The following RAPGEF1 variants were observed in gnomAD, a reference collection of about 807,000 sequenced individuals.
RAPGEF1 encodes the protein CRK SH3-binding GNRP.
RAPGEF1 carries 33 observed loss-of-function variants against 143.3 expected under a neutral mutation model. That is an observed-to-expected ratio of 0.23 (90% CI 0.17 to 0.31). The LOEUF is 0.31. Ranked by LOEUF, RAPGEF1 falls within the 10% of genes least tolerant of loss-of-function variation. The pLI is 1.00. For synonymous variants in RAPGEF1, 629 were observed against 676.5 expected (o/e 0.93, Z 1.09); for missense variants, 1,199 against 1,645.4 (o/e 0.73, Z 4.69).
chr9:131,689,300 C>T (rs1004449661), intron 1 of RAPGEF1, among the ~76,000 whole-genome samples: 2 of 152,100 alleles, frequency 1.3e-5, no homozygotes, highest in Non-Finnish European at 2.9e-5. Context: ...TGGGCAGGTA[C>T]GAGTTCAGAG....
chr9:131,656,354 T>C (rs1007080680), intron 1 of RAPGEF1, among the ~76,000 whole-genome samples: 3 of 152,206 alleles, frequency 2.0e-5, no homozygotes, highest in African/African-American at 7.2e-5. Flanking sequence ...ACGGATCCTA[T>C]TGCTGTCCCT....
intron 1 of RAPGEF1, among the ~76,000 whole-genome samples, chr9:131,677,972 T>C (rs1215796897): frequency 6.6e-6 from 1 of 152,214 alleles, no homozygotes; most frequent in East Asian, 1.9e-4. Flanking sequence ...AGAGCACAGG[T>C]CAACAAGCTC....
intron 26 of RAPGEF1, 34 bp from the exon 27 acceptor site, chr9:131,579,681 C>G: frequency 6.2e-7 from 1 of 1,607,888 alleles, no homozygotes; most frequent in Non-Finnish European, 8.5e-7. Context: ...TCAGTGAGCA[C>G]CTGTGTGGGC....
intron 1 of RAPGEF1, among the ~76,000 whole-genome samples, chr9:131,708,917 G>A (rs1392547140): frequency 6.6e-6 from 1 of 152,140 alleles, no homozygotes; most frequent in African/African-American, 2.4e-5. Context: ...ATTATTAGTA[G>A]AGACGGGGTT....
At chr9:131,715,863 C>CAAAAAAA (rs145340457) in intron 1 of RAPGEF1, among the ~76,000 whole-genome samples, 1 of 72,530 alleles carries the variant, frequency 1.4e-5, no homozygotes. Flanking sequence ...GACTCCCTCT[C>CAAAAAAA]AAAAAAAAAA....
intron 1 of RAPGEF1, among the ~76,000 whole-genome samples, chr9:131,660,520 G>C (rs1439203190): frequency 1.3e-5 from 2 of 151,810 alleles, no homozygotes; most frequent in Non-Finnish European, 2.9e-5. Flanking sequence ...TGCTCTGCTG[G>C]ACGGCAACCA....
chr9:131,619,253 A>C, intron 11 of RAPGEF1, 47 bp from the exon 12 acceptor site: 1 of 1,284,136 alleles, frequency 7.8e-7, no homozygotes, highest in Non-Finnish European at 1.0e-6. Flanking sequence ...GGAGGGAGAG[A>C]AGCAGAGAAC....
At chr9:131,656,602 C>G (rs1420941251) in intron 1 of RAPGEF1, among the ~76,000 whole-genome samples, 1 of 152,212 alleles carries the variant, frequency 6.6e-6, no homozygotes, top group Non-Finnish European at 1.5e-5. Flanking sequence ...CTTCCGCTTT[C>G]TCCACTGTCT....
chr9:131,592,230 T>C, intron 17 of RAPGEF1, 47 bp from the exon 18 acceptor site: 1 of 1,468,942 alleles, frequency 6.8e-7, no homozygotes, highest in Non-Finnish European at 9.5e-7. Context: ...TGCAGAGTGC[T>C]GGGGGGTGGT....
intron 1 of RAPGEF1, among the ~76,000 whole-genome samples, chr9:131,722,438 T>A (rs1286271576): frequency 6.6e-6 from 1 of 152,226 alleles, no homozygotes; most frequent in Admixed American, 6.5e-5. Context: ...GTGCTGCTGA[T>A]GGATCCAGGC....
Position 131,679,423 on chromosome 9 carries a change from G to A in RAPGEF1, c.62-28474C>T, listed in dbSNP as rs117558501. Among the ~76,000 whole-genome samples the A allele has an allele frequency of 2.6e-3, 397 of 152,328 alleles. 14 individuals carry two copies. The East Asian group carries it at 0.071, about 27-fold the overall frequency. Reference sequence around the variant, plus strand: ...GCCTTTGCCTGATGGGAAGAAAAAGGGAACGGTGGATTAGAAGCTCACCAA... The same window carrying A: ...GCCTTTGCCTGATGGGAAGAAAAAGAGAACGGTGGATTAGAAGCTCACCAA... On this transcript the variant is annotated intron_variant, in intron 1 of 26. Coordinates refer to ENST00000683357, the MANE Select transcript of RAPGEF1 (RefSeq NM_001377935.1).
chr9:131,737,266 T>C (rs547170980), intron 1 of RAPGEF1: 1 of 1,392,644 alleles, frequency 7.2e-7, no homozygotes, highest in African/African-American at 1.4e-5. Context: ...CCGCAGCTCC[T>C]GGTCAGCCCC....
intron 3 of RAPGEF1, among the ~76,000 whole-genome samples, chr9:131,649,157 C>T (rs952783607): frequency 6.6e-6 from 1 of 151,236 alleles, no homozygotes; most frequent in Admixed American, 6.6e-5. Context: ...CTCAGCCTCC[C>T]AAGCAGCTGG....
intron 1 of RAPGEF1, among the ~76,000 whole-genome samples, chr9:131,712,416 T>C (rs569250789): frequency 1.7e-4 from 26 of 152,304 alleles, no homozygotes; most frequent in Middle Eastern, 3.4e-3. Context: ...GAGTTTCTAA[T>C]CCATAAACAA....
At chr9:131,627,847 C>G in intron 9 of RAPGEF1, 66 bp downstream of exon 9, 1 of 1,507,850 alleles carries the variant, frequency 6.6e-7, no homozygotes, top group Non-Finnish European at 8.9e-7. Flanking sequence ...GACTCCCACC[C>G]AGGACTGTAA....
intron 1 of RAPGEF1, among the ~76,000 whole-genome samples, chr9:131,682,866 C>T (rs925025652): frequency 1.3e-5 from 2 of 152,118 alleles, no homozygotes; most frequent in South Asian, 2.1e-4. Flanking sequence ...ACTGGCCGTC[C>T]GTGAGGCCAA....
At chr9:131,623,376 G>A (rs1294101702) in intron 10 of RAPGEF1, among the ~76,000 whole-genome samples, 3 of 152,140 alleles carry the variant, frequency 2.0e-5, no homozygotes, top group African/African-American at 7.2e-5. Flanking sequence ...CTGAGGTGGG[G>A]GGATCCCTTG....
chr9:131,588,101 C>A (rs1021373208), intron 20 of RAPGEF1, 75 bp from the exon 21 acceptor site: 2 of 1,287,698 alleles, frequency 1.6e-6, no homozygotes, highest in Admixed American at 1.9e-5. Flanking sequence ...GCCCGGGCTG[C>A]GGGCGTCAGA....
chr9:131,625,468 C>A (rs768494290), intron 10 of RAPGEF1, among the ~76,000 whole-genome samples: 1 of 152,154 alleles, frequency 6.6e-6, no homozygotes, highest in African/African-American at 2.4e-5. Flanking sequence ...ATTCTGGGAG[C>A]ATGAACAGAG....
Sources: allele counts gnomAD v4.1 joint callset (sites outside exome capture counted in the v4.1 genomes callset), GRCh38; gene constraint gnomAD v4.1.1; transcripts MANE v1.5; gene names NCBI Gene and HGNC (gene_info 2026-07-23, HGNC 2026-07-21).